Variants in QSOX2 observed in about 807,000 individuals in gnomAD.
The protein encoded by QSOX2 is quiescin sulfhydryl oxidase 2, also known as sulfhydryl oxidase 2.
In QSOX2, 46 loss-of-function variants were observed where a neutral mutation model predicts 61.7. That is an observed-to-expected ratio of 0.75 (90% CI 0.59 to 0.95). QSOX2 has a LOEUF of 0.95. QSOX2 is among the 40% of genes least tolerant of loss of function. QSOX2 has a pLI of 0.00. For missense variants in QSOX2, 879 were observed against 918.9 expected, an observed-to-expected ratio of 0.96 and a Z score of 0.56; for synonymous variants, 383 against 388.4, an observed-to-expected ratio of 0.99 and a Z score of 0.16.
Position 136,219,080 on chromosome 9 carries a change from C to T in QSOX2, c.906G>A (p.Lys302=). 1 of 1,614,106 alleles carries T rather than the reference C, an allele frequency of 6.2e-7. No homozygotes were observed. The highest frequency in any genetic ancestry group is 8.5e-7 in the Non-Finnish European group (1 of 1,180,018). The change falls in exon 7 of 12, where the codon AAG becomes AAA. Residue 302 remains lysine, a synonymous_variant. Coordinates refer to ENST00000358701, the MANE Select transcript of QSOX2 (RefSeq NM_181701.4). ...TTTCTGAATTTTCTTCTTTGTGTGGCTTTTCAGGCAAGGGAAGCGATTTTT... is the reference window on the plus strand; with the variant it reads ...TTTCTGAATTTTCTTCTTTGTGTGGTTTTTCAGGCAAGGGAAGCGATTTTT... ...VRKKSLPLPE[K]PHKEENSEIV... is the part of the protein sequence containing the mutation.
intron 1 of QSOX2, among the ~76,000 whole-genome samples, chr9:136,244,351 A>G (rs2131073118): frequency 6.6e-6 from 1 of 152,368 alleles, no homozygotes; most frequent in South Asian, 2.1e-4. Context: ...AAAAGGCCCC[A>G]GCTCTCTAAG....
At chr9:136,235,672 G>A (rs891154656) in intron 1 of QSOX2, among the ~76,000 whole-genome samples, 2 of 152,170 alleles carry the variant, frequency 1.3e-5, no homozygotes, top group Non-Finnish European at 2.9e-5. Context: ...AGCATAGAGC[G>A]CTGGCATCAG....
At position 136,223,465 on chromosome 9, in the gene QSOX2, TGGGCG is replaced by T. The variant is rs1830245722; in HGVS notation, c.675+293_675+297del. Among the ~76,000 whole-genome samples, 1 of 152,190 alleles carries T rather than the reference TGGGCG, an allele frequency of 6.6e-6. No individual in the cohort carries two copies. The highest frequency in any genetic ancestry group is 6.5e-5 in the Admixed American group (1 of 15,276). ...AATACAGAATGACCTCAAGGTGAGC[TGGGCG>T]TGTCATAAAAATGAGATCTTCTGCA... On this transcript the variant is annotated intron_variant, in intron 5 of 11. Coordinates refer to ENST00000358701, the MANE Select transcript of QSOX2 (RefSeq NM_181701.4). This position sits in a 1 kb window ranked among gnomAD's most constrained non-coding sequence, Gnocchi z 4.4.
rs1035949154 is a variant in QSOX2 at position 136,226,790 on chromosome 9, A to G, written c.413T>C (p.Phe138Ser). 1 of 1,614,104 alleles carries G rather than the reference A, an allele frequency of 6.2e-7. No individual in the cohort carries two copies. The highest frequency in any genetic ancestry group is 1.7e-5 in the Admixed American group (1 of 60,030). Residue 138 changes from phenylalanine (F) to serine (S), a missense_variant, in exon 2 of 12, where the codon TTC becomes TCC. Phe to Ser is a radical substitution (Grantham distance 155). Transcript: ENST00000358701. ...QAVCHDYDIHFYPTFRYFKAF... is the reference protein window; with the variant it reads ...QAVCHDYDIHSYPTFRYFKAF... ...GATACTCACCCGGAAGGTGGGGTAG[A>G]AGTGGATGTCGTAGTCATGGCACAC...
Position 136,209,697 on chromosome 9 carries a change from A to C in QSOX2, c.1550-422T>G. 1 of 984,384 alleles carries C rather than the reference A, an allele frequency of 1.0e-6. No homozygotes were observed. The highest frequency in any genetic ancestry group is 1.2e-6 in the Non-Finnish European group (1 of 829,608). The allele number at this position is 984,384 out of a possible 1,614,324, so 61.0% of individuals were successfully genotyped here. A position where few individuals can be genotyped will look rare whatever the true frequency, so the allele number is the denominator to read the frequency against. ...CCCCTCTGCCCTTTCCTGAGGGTGC[A>C]CCTGAGGCCCACTACCTACAGAGCC... is the stretch of plus-strand genomic sequence containing the variant. On this transcript the variant is annotated intron_variant, in intron 11 of 11. Coordinates refer to ENST00000358701, the MANE Select transcript of QSOX2 (RefSeq NM_181701.4). The surrounding 1 kb of genome is among the most constrained non-coding windows in gnomAD (Gnocchi z 5.6).
chr9:136,228,368 T>C (rs564683839), intron 1 of QSOX2, among the ~76,000 whole-genome samples: 5 of 152,242 alleles, frequency 3.3e-5, no homozygotes, highest in Non-Finnish European at 7.3e-5. Context: ...GCCTGGCTCG[T>C]GCTTCAGTCA....
intron 10 of QSOX2, 53 bp from the exon 11 acceptor site, chr9:136,211,505 C>A: frequency 1.3e-6 from 2 of 1,570,052 alleles, no homozygotes; most frequent in Non-Finnish European, 1.7e-6. Context: ...CATCACCTGA[C>A]CCCACGCTTG....
chr9:136,210,298 G>C (rs7032172), intron 11 of QSOX2: 339,872 of 985,268 alleles, frequency 0.34, 59,388 homozygotes, highest in African/African-American at 0.38. Flanking sequence ...TGGGACTGGA[G>C]TGGGAATCTC....
At position 136,245,565 on chromosome 9, in the gene QSOX2, G is replaced by A. The variant is rs1830466592; in HGVS notation, c.239C>T (p.Ala80Val). ...CGAGTAGAACTGCACGAGCCACGCG[G>A]CCGAGCTGTTGGCGGTGGCCCCGCG... ...SVRGATANSS[A>V]AWLVQFYSSW... Residue 80 changes from alanine (A) to valine (V), a missense_variant, in exon 1 of 12, where the codon GCC becomes GTC. Physicochemically the swap from Ala to Val is moderately conservative, Grantham distance 64 (BLOSUM62 0). Coordinates refer to ENST00000358701, the MANE Select transcript of QSOX2 (RefSeq NM_181701.4). The A allele has an allele frequency of 1.2e-5, 19 of 1,581,202 alleles. No individual in the cohort carries two copies. The highest frequency in any genetic ancestry group is 1.5e-5 in the Non-Finnish European group (18 of 1,172,782).
chr9:136,209,063 C>T lies in QSOX2; in HGVS notation c.1762G>A (p.Glu588Lys), dbSNP rs2131046935. The change falls in exon 12 of 12, where the codon GAG becomes AAG. Residue 588 changes from glutamate to lysine, a missense_variant. By Grantham distance (56) the Glu-to-Lys change is moderately conservative (BLOSUM62 1). Transcript: ENST00000358701. The surrounding 1 kb of genome is among the most constrained non-coding windows in gnomAD (Gnocchi z 5.6). ...GGAGTGAGTCTTTTCTCCTCTTCCT[C>T]ACCCCTGGCCAGGGTTCCTCCTTCA... ...SSEGGTLARG[E>K]EEEKRLTPPE... 2 of 1,614,162 alleles carry T rather than the reference C, an allele frequency of 1.2e-6. No individual in the cohort carries two copies. The highest frequency in any genetic ancestry group is 4.5e-5 in the East Asian group (2 of 44,886).
intron 10 of QSOX2, 56 bp downstream of exon 10, chr9:136,215,097 TG>T (rs1831892359): frequency 6.3e-7 from 1 of 1,583,282 alleles, no homozygotes; most frequent in Non-Finnish European, 8.6e-7. Context: ...ACACACCGGC[TG>T]GGTTAACTTG....
chr9:136,209,631 CTCCGCACAG>C lies in QSOX2; in HGVS notation c.1550-365_1550-357del, dbSNP rs781125312. Reference sequence around the variant, plus strand: ...ATGCAGCTCTCACCTGGAGGCCTTTCTCCGCACAGTGCTGCCTGTGTGCCCCTCCCCCCA... The same window carrying C: ...ATGCAGCTCTCACCTGGAGGCCTTTCTGCTGCCTGTGTGCCCCTCCCCCCA... On this transcript the variant is annotated intron_variant, in intron 11 of 11. Coordinates refer to ENST00000358701, the MANE Select transcript of QSOX2 (RefSeq NM_181701.4). The surrounding 1 kb of genome is among the most constrained non-coding windows in gnomAD (Gnocchi z 5.6). 1.3e-4 allele frequency: 132 copies of C among 985,218 alleles called. No homozygotes were observed. The highest frequency in any genetic ancestry group is 1.5e-4 in the Non-Finnish European group (121 of 829,898). 61.0% of individuals were successfully genotyped at this position (985,218 alleles called of 1,614,324 possible). A position where few individuals can be genotyped will look rare whatever the true frequency, so the allele number is the denominator to read the frequency against.
Position 136,223,670 on chromosome 9 carries a change from C to A in QSOX2, c.675+93G>T. 1 of 930,302 alleles carries A rather than the reference C, an allele frequency of 1.1e-6. No individual in the cohort carries two copies. The highest frequency in any genetic ancestry group is 1.7e-6 in the Non-Finnish European group (1 of 593,760). The allele number at this position is 930,302 out of a possible 1,614,324, so 57.6% of individuals were successfully genotyped here. A position where few individuals can be genotyped will look rare whatever the true frequency, so the allele number is the denominator to read the frequency against. On this transcript the variant is annotated intron_variant, in intron 5 of 11. Transcript: ENST00000358701. This position sits in a 1 kb window ranked among gnomAD's most constrained non-coding sequence, Gnocchi z 4.4. Reference sequence around the variant, plus strand: ...CCACAGACAGGACACGAGATGCCGACACAGTGACCGGCACCTGCAAATCTC... The same window carrying A: ...CCACAGACAGGACACGAGATGCCGAAACAGTGACCGGCACCTGCAAATCTC...
rs951053176 is a variant in QSOX2, at chr9:136,226,755, G to C, written c.429+19C>G. On this transcript the variant is annotated intron_variant, in intron 2 of 11. Transcript: ENST00000358701. ...GTAGAAGGTGAATTTCAACGGACAA[G>C]CAGCCGCGTGATACTCACCCGGAAG... 2 of 1,592,008 alleles carry C rather than the reference G, an allele frequency of 1.3e-6. No individual in the cohort carries two copies. The highest frequency in any genetic ancestry group is 1.7e-6 in the Non-Finnish European group (2 of 1,159,848).
chr9:136,245,776 G>C lies in QSOX2; in HGVS notation c.28C>G (p.Arg10Gly), dbSNP rs1157858474. The part of the protein sequence containing the change: MAAAGAAVA[R>G]SPGIGAGPAL... ...GGTCCCGCTCCGATTCCCGGGCTGC[G>C]CGCCACCGCCGCCCCGGCCGCCGCC... Residue 10 changes from arginine (R) to glycine (G), a missense_variant, in exon 1 of 12, where the codon CGC becomes GGC. Arg to Gly is a moderately radical substitution (Grantham distance 125). Transcript: ENST00000358701. 94 of 1,156,576 alleles carry C rather than the reference G, an allele frequency of 8.1e-5. No homozygotes were observed. The highest frequency in any genetic ancestry group is 9.6e-5 in the Non-Finnish European group (90 of 937,064). 71.6% of individuals were successfully genotyped at this position (1,156,576 alleles called of 1,614,324 possible). A position where few individuals can be genotyped will look rare whatever the true frequency, so the allele number is the denominator to read the frequency against.
Position 136,242,623 on chromosome 9 carries a change from C to T in QSOX2, c.328+2853G>A, listed in dbSNP as rs148033433. On this transcript the variant is annotated intron_variant, in intron 1 of 11. Transcript: ENST00000358701. ...CCCCTGCACTGCCACGGGCAATGGGCGCCCTATCCCTGTGGGACAGCTCCA... is the reference window on the plus strand; with the variant it reads ...CCCCTGCACTGCCACGGGCAATGGGTGCCCTATCCCTGTGGGACAGCTCCA... 4.2e-3 allele frequency among the ~76,000 whole-genome samples: 642 copies of T among 152,362 alleles called. 6 individuals carry two copies. Among genetic ancestry groups the T allele is most frequent in the African/African-American group, 0.015 (617 of 41,572 alleles).
At position 136,209,108 on chromosome 9, in the gene QSOX2, C is replaced by A; in HGVS notation, c.1717G>T (p.Ala573Ser). ...GRDNLLDTYS[A>S]DQGDSSEGGT... ...CCTTCACTGGAATCCCCCTGGTCTG[C>A]GGAATACGTGTCTAAGAGGTTGTCG... The change falls in exon 12 of 12, where the codon GCA becomes TCA. Residue 573 changes from alanine to serine, a missense_variant. Transcript: ENST00000358701. This position sits in a 1 kb window ranked among gnomAD's most constrained non-coding sequence, Gnocchi z 5.6. 6.2e-7 allele frequency: 1 copy of A among 1,614,164 alleles called. No individual in the cohort carries two copies. The highest frequency in any genetic ancestry group is 8.5e-7 in the Non-Finnish European group (1 of 1,180,032).
intron 1 of QSOX2, among the ~76,000 whole-genome samples, chr9:136,230,136 G>A (rs952808665): frequency 1.6e-4 from 24 of 152,146 alleles, no homozygotes; most frequent in Non-Finnish European, 1.5e-4. Flanking sequence ...AAAATTAGCC[G>A]GGCGTGGTGG....
At chr9:136,227,284 C>G (rs1437863014) in intron 1 of QSOX2, among the ~76,000 whole-genome samples, 2 of 152,202 alleles carry the variant, frequency 1.3e-5, no homozygotes, top group Admixed American at 1.3e-4. Flanking sequence ...TTGGCAAAAA[C>G]ATTCCCGTGT....
Sources: allele counts gnomAD v4.1 joint callset (sites outside exome capture counted in the v4.1 genomes callset), GRCh38; gene constraint gnomAD v4.1.1; non-coding constraint Gnocchi (gnomAD v3.1); transcripts MANE v1.5; gene names NCBI Gene and HGNC (gene_info 2026-07-23, HGNC 2026-07-21).